Variants in MCOLN2 observed in about 807,000 individuals in gnomAD.
The protein encoded by MCOLN2 is mucolipin-2.
MCOLN2 carries 57 observed loss-of-function variants against 67.5 expected under a neutral mutation model. The observed-to-expected ratio is 0.84, with a 90% CI of 0.68 to 1.05. The LOEUF is 1.05. MCOLN2 is among the 50% of genes least tolerant of loss of function. The pLI, the probability that MCOLN2 is intolerant of heterozygous loss-of-function variation, is 0.00. For missense variants in MCOLN2, 620 were observed against 678.8 expected (o/e 0.91, Z 0.96); for synonymous variants, 246 against 233.3 (o/e 1.05, Z -0.50).
intron 4 of MCOLN2, 67 bp downstream of exon 4, chr1:84,956,364 A>C: frequency 1.3e-6 from 2 of 1,525,324 alleles, no homozygotes; most frequent in Non-Finnish European, 8.9e-7. Context: ...GGTTGCTAGC[A>C]CATGAGGGCA....
In MCOLN2 at chr1:84,958,615, A is replaced by T; in HGVS notation, c.325T>A (p.Tyr109Asn). 6.2e-7 allele frequency: 1 copy of T among 1,611,982 alleles called. No homozygotes were observed. Among genetic ancestry groups the T allele is most frequent in the Non-Finnish European group, 8.5e-7 (1 of 1,179,552 alleles). ...TAGTCATCTTCATCTGTACCAGAAT[A>T]TCCTTTCAAAAACAAGTGCTTAAAA... is the stretch of plus-strand genomic sequence containing the variant. Reference protein sequence around the residue: ...VAFKHLFLKGYSGTDEDDYSC... With the variant: ...VAFKHLFLKGNSGTDEDDYSC... Residue 109 changes from tyrosine (Y) to asparagine (N), a missense_variant, in exon 3 of 14, where the codon TAT becomes AAT. Physicochemically the swap from Tyr to Asn is moderately radical, Grantham distance 143. Transcript: ENST00000370608.
chr1:84,941,843 G>A (rs1436984818), intron 7 of MCOLN2, among the ~76,000 whole-genome samples: 1 of 152,228 alleles, frequency 6.6e-6, no homozygotes, highest in African/African-American at 2.4e-5. Context: ...ACAGAAGCAA[G>A]GAGGGGAGTG....
rs567513301 is a variant in MCOLN2 at position 84,942,769 on chromosome 1, C to T, written c.848-1778G>A. The stretch of plus-strand genomic sequence containing the variant: ...CTGCCCTCATAAATGGATTAATCCA[C>T]TCATAGATTTATGGGTTATCAAGGG... On this transcript the variant is annotated intron_variant, in intron 7 of 13. Transcript: ENST00000370608. 4.6e-5 allele frequency among the ~76,000 whole-genome samples: 7 copies of T among 152,224 alleles called. No homozygotes were observed. In the East Asian group the frequency reaches 1.4e-3, roughly 30 times the overall value.
rs546783594 is a variant in MCOLN2, at chr1:84,931,007, G to C, written c.1542+355C>G. ...TGTAGCAATATCTGAGAGTTGTCAG[G>C]GTGCCGGTCACCTCTCATCCCTGAA... On this transcript the variant is annotated intron_variant, in intron 12 of 13. Transcript: ENST00000370608. Among the ~76,000 whole-genome samples, 11 of 152,196 alleles carry C rather than the reference G, an allele frequency of 7.2e-5. No homozygotes were observed. The South Asian group carries it at 2.3e-3, about 32-fold the overall frequency.
rs79075979 is a variant in MCOLN2, at chr1:84,987,176, A to ATATC, written c.77+9616_77+9619dup. Among the ~76,000 whole-genome samples, 644 of 125,788 alleles carry ATATC rather than the reference A, an allele frequency of 5.1e-3. 5 individuals carry two copies. Among genetic ancestry groups the ATATC allele is most frequent in the African/African-American group, 0.012 (423 of 36,140 alleles). The allele number at this position is 125,788 out of a possible 152,430, so 82.5% of individuals were successfully genotyped here. On this transcript the variant is annotated intron_variant, in intron 1 of 13. Transcript: ENST00000370608. ...TAAAGAAAAGGTGATATATATAGGC[A>ATATC]TATCTATCTATCTATCTATCTATCT...
chr1:84,944,240 T>C (rs1647959971), intron 7 of MCOLN2, among the ~76,000 whole-genome samples: 1 of 152,008 alleles, frequency 6.6e-6, no homozygotes, highest in Non-Finnish European at 1.5e-5. Context: ...AATATGTATT[T>C]TATGAACATC....
At position 84,984,924 on chromosome 1, in the gene MCOLN2, A is replaced by T. The variant is rs1186310291; in HGVS notation, c.77+11872T>A. 2.0e-5 allele frequency among the ~76,000 whole-genome samples: 3 copies of T among 152,206 alleles called. No homozygotes were observed. In the East Asian group the frequency reaches 5.8e-4, roughly 29 times the overall value. ...GTGGGAGGATTGCTCAAGTCCAGGG[A>T]GGTCGAGGCTGCAGTGAGCTGTGAT... On this transcript the variant is annotated intron_variant, in intron 1 of 13. Transcript: ENST00000370608.
Position 84,968,607 on chromosome 1 carries a change from G to A in MCOLN2, c.78-2899C>T, listed in dbSNP as rs1175045835. Among the ~76,000 whole-genome samples, 9 of 152,214 alleles carry A rather than the reference G, an allele frequency of 5.9e-5. No homozygotes were observed. In the East Asian group the frequency reaches 9.6e-4, roughly 16 times the overall value. On this transcript the variant is annotated intron_variant, in intron 1 of 13. Coordinates refer to ENST00000370608, the MANE Select transcript of MCOLN2 (RefSeq NM_153259.4). ...CATACATACATGTTGGTTTTTGTCC[G>A]CAGCTCCTAGCTCATAACTCCCATA...
intron 7 of MCOLN2, 132 bp from the exon 8 acceptor site, chr1:84,941,123 A>C (rs535580864): frequency 1.6e-6 from 1 of 628,588 alleles, no homozygotes; most frequent in Admixed American, 2.8e-5. Flanking sequence ...GGTAAATATC[A>C]GAAACAAATC....
chr1:84,983,221 T>A (rs963309736), intron 1 of MCOLN2, among the ~76,000 whole-genome samples: 1 of 152,082 alleles, frequency 6.6e-6, no homozygotes, highest in African/African-American at 2.4e-5. Flanking sequence ...CCCCACCACC[T>A]TTATTTCCCC....
At chr1:84,935,354 C>T (rs1429014581) in intron 11 of MCOLN2, among the ~76,000 whole-genome samples, 1 of 152,154 alleles carries the variant, frequency 6.6e-6, no homozygotes, top group African/African-American at 2.4e-5. Flanking sequence ...GACCTGCAGG[C>T]AACCCTACAG....
chr1:84,963,417 A>G (rs1327262409), intron 2 of MCOLN2, among the ~76,000 whole-genome samples: 1 of 152,236 alleles, frequency 6.6e-6, no homozygotes, highest in Non-Finnish European at 1.5e-5. Context: ...GAGTATGGGA[A>G]AACATAAATA....
intron 4 of MCOLN2, 75 bp from the exon 5 acceptor site, chr1:84,952,605 A>G: frequency 1.1e-6 from 1 of 932,676 alleles, no homozygotes; most frequent in Non-Finnish European, 1.8e-6. Context: ...TGAAAGTGTG[A>G]CAAGAAGCAG....
At chr1:84,927,204 TAA>T (rs5775807) in intron 13 of MCOLN2, among the ~76,000 whole-genome samples, 86 of 138,364 alleles carry the variant, frequency 6.2e-4, no homozygotes, top group Non-Finnish European at 8.3e-4. Context: ...AAAGTAAAAT[TAA>T]AAAAAAAAAA....
At chr1:84,952,202 A>G (rs1648522587) in intron 6 of MCOLN2, 41 bp downstream of exon 6, 1 of 1,430,998 alleles carries the variant, frequency 7.0e-7, no homozygotes. Flanking sequence ...AAGTGTAGGA[A>G]AAAAATAAAA....
chr1:84,934,474 A>T (rs1463940559), intron 11 of MCOLN2, among the ~76,000 whole-genome samples: 1 of 152,182 alleles, frequency 6.6e-6, no homozygotes, highest in African/African-American at 2.4e-5. Context: ...TATTTGCTTT[A>T]AGAGCTGGTG....
At chr1:84,933,171 G>A (rs1647255765) in intron 11 of MCOLN2, among the ~76,000 whole-genome samples, 1 of 152,116 alleles carries the variant, frequency 6.6e-6, no homozygotes, top group Admixed American at 6.5e-5. Context: ...TGTACTTCAA[G>A]ACCAAGTGCC....
intron 1 of MCOLN2, among the ~76,000 whole-genome samples, chr1:84,973,356 T>C (rs112803316): frequency 3.3e-5 from 5 of 152,144 alleles, no homozygotes; most frequent in African/African-American, 9.7e-5. Flanking sequence ...TGGATGCCTA[T>C]AGTCCCAGCT....
In MCOLN2 at chr1:84,983,371, G is replaced by A. The variant is rs142680448; in HGVS notation, c.77+13425C>T. 3.3e-4 allele frequency among the ~76,000 whole-genome samples: 50 copies of A among 152,248 alleles called. 1 individual carries two copies. The East Asian group carries it at 6.0e-3, about 18-fold the overall frequency. Reference sequence around the variant, plus strand: ...TGCAGCCTTAACATCCTGAGCTCAAGCAATCCTTCTGCCTCACTTCCAGAG... The same window carrying A: ...TGCAGCCTTAACATCCTGAGCTCAAACAATCCTTCTGCCTCACTTCCAGAG... On this transcript the variant is annotated intron_variant, in intron 1 of 13. Coordinates refer to ENST00000370608, the MANE Select transcript of MCOLN2 (RefSeq NM_153259.4).
Sources: gnomAD v4.1 joint callset for allele counts (sites outside exome capture counted in the v4.1 genomes callset) on GRCh38, gnomAD v4.1.1 for gene constraint, MANE v1.5 for transcripts, NCBI Gene and HGNC (gene_info 2026-07-23, HGNC 2026-07-21) for gene names.